The following KLHL33 variants were observed in gnomAD, a reference collection of about 807,000 sequenced individuals.
The protein encoded by KLHL33 is kelch-like protein 33.
KLHL33 carries 46 observed loss-of-function variants against 60.8 expected under a neutral mutation model. That is an observed-to-expected ratio of 0.76 (90% CI 0.60 to 0.97). The LOEUF (loss-of-function observed/expected upper bound fraction) is 0.97. Ranked by LOEUF, KLHL33 falls within the 50% of genes least tolerant of loss-of-function variation. The pLI, the probability that KLHL33 is intolerant of heterozygous loss-of-function variation, is 0.00. For synonymous variants in KLHL33, 434 were observed against 432.2 expected (o/e 1.00, Z -0.05); for missense variants, 1,055 against 1,000.0 (o/e 1.05, Z -0.74).
chr14:20,426,701 T>C lies in KLHL33; in HGVS notation c.*2148A>G, dbSNP rs1168282506. The C allele has an allele frequency of 6.6e-6, 1 of 152,116 alleles. No homozygotes were observed. Among genetic ancestry groups the C allele is most frequent in the Admixed American group, 6.5e-5 (1 of 15,272 alleles). 9.4% of individuals were successfully genotyped at this position (152,116 alleles called of 1,614,324 possible). On this transcript the variant is annotated 3_prime_UTR_variant, in exon 5 of 5. Transcript: ENST00000636854. ...TACTGGGTATATGCCCAAAGGAATA[T>C]AAATCATGCCGCTATAAAGACACAT...
rs1231838617 is a variant in KLHL33 at position 20,429,625 on chromosome 14, G to A, written c.1718C>T (p.Ser573Phe). Residue 573 changes from serine to phenylalanine, a missense_variant, in exon 4 of 5, where the codon TCC (serine) becomes TTC (phenylalanine). Ser to Phe is a radical substitution (Grantham distance 155). Coordinates refer to ENST00000636854, the MANE Select transcript of KLHL33 (RefSeq NM_001365790.2). ...QEDWEEMAPL[S>F]QARSLFSLVA... ...CAAGGAGAAAAGGCTTCGAGCCTGG[G>A]ACAAAGGAGCCATCTCCTCCCAGTC... 6.4e-7 allele frequency: 1 copy of A among 1,551,828 alleles called. No individual in the cohort carries two copies. Among genetic ancestry groups the A allele is most frequent in the Non-Finnish European group, 8.7e-7 (1 of 1,147,032 alleles).
In KLHL33 at chr14:20,430,403, C is replaced by T. The variant is rs1392417502; in HGVS notation, c.1065G>A (p.Trp355Ter). 1 of 1,551,656 alleles carries T rather than the reference C, an allele frequency of 6.4e-7. No individual in the cohort carries two copies. The highest frequency in any genetic ancestry group is 8.7e-7 in the Non-Finnish European group (1 of 1,147,020). ...TGAGGAGGTAGTGACGGGCTTTGCT[C>T]CAGAGCCTCTCCAACCCAGGGGCTT... ...MAEAPGLERL[W>*]SKARHYLLTH... Residue 355 changes from tryptophan (W) to a stop codon, truncating the protein, a stop_gained, in exon 3 of 5, where the codon TGG (tryptophan) becomes TGA (stop). Transcript: ENST00000636854. LOFTEE classifies it high-confidence loss of function.
intron 2 of KLHL33, among the ~76,000 whole-genome samples, chr14:20,431,922 A>G (rs1306744782): frequency 6.6e-6 from 1 of 152,194 alleles, no homozygotes; most frequent in Non-Finnish European, 1.5e-5. Flanking sequence ...AAACTGTCCT[A>G]TTAACCTACG....
chr14:20,435,102 C>A lies in KLHL33; in HGVS notation c.710G>T (p.Cys237Phe). 1 of 1,234,536 alleles carries A rather than the reference C, an allele frequency of 8.1e-7. No individual in the cohort carries two copies. The highest frequency in any genetic ancestry group is 1.0e-6 in the Non-Finnish European group (1 of 988,224). 76.5% of individuals were successfully genotyped at this position (1,234,536 alleles called of 1,614,324 possible). Residue 237 changes from cysteine to phenylalanine, a missense_variant, in exon 2 of 5, where the codon TGT (cysteine) becomes TTT (phenylalanine). Coordinates refer to ENST00000636854, the MANE Select transcript of KLHL33 (RefSeq NM_001365790.2). The stretch of plus-strand genomic sequence containing the variant: ...GCCGCCTGCCTCCAGCTTCAAGTCA[C>A]ACCCGACGCCCTCTCGGTAGAGGAG... ...IELLYREGVG[C>F]DLKLEAGGCQ...
At position 20,428,977 on chromosome 14, in the gene KLHL33, C is replaced by T; in HGVS notation, c.2266G>A (p.Gly756Ser). The T allele has an allele frequency of 1.9e-6, 3 of 1,551,690 alleles. No homozygotes were observed. Among genetic ancestry groups the T allele is most frequent in the Non-Finnish European group, 2.6e-6 (3 of 1,146,994 alleles). The change falls in exon 5 of 5, where the codon GGC becomes AGC. Residue 756 changes from glycine (G) to serine (S), a missense_variant. By Grantham distance (56) the Gly-to-Ser change is moderately conservative (BLOSUM62 0). Coordinates refer to ENST00000636854, the MANE Select transcript of KLHL33 (RefSeq NM_001365790.2). Reference protein sequence around the residue: ...HLIHAYCPGLGRWLCLGTLPR... With the variant: ...HLIHAYCPGLSRWLCLGTLPR... The stretch of plus-strand genomic sequence containing the variant: ...AGAGTTCCCAGGCAGAGCCATCGGC[C>T]CAGGCCAGGACAGTAGGCATGGATA...
At chr14:20,432,942 G>GAAAGAAAGAAAGAAAGA in intron 2 of KLHL33, among the ~76,000 whole-genome samples, 1 of 148,420 alleles carries the variant, frequency 6.7e-6, no homozygotes, top group South Asian at 2.2e-4. Flanking sequence ...AAGAAAGAAA[G>GAAAGAAAGAAAGAAAGA]AAAGAAAGAA....
At chr14:20,430,843 A>G (rs1444129073) in intron 2 of KLHL33, 124 bp from the exon 3 acceptor site, 2 of 597,654 alleles carry the variant, frequency 3.3e-6, no homozygotes, top group Non-Finnish European at 5.8e-6. Flanking sequence ...ACCCACTGCT[A>G]CAGACCAAAC....
At chr14:20,432,303 C>T (rs1232465341) in intron 2 of KLHL33, among the ~76,000 whole-genome samples, 3 of 151,794 alleles carry the variant, frequency 2.0e-5, no homozygotes, top group African/African-American at 4.8e-5. Context: ...TTAGTAGAGA[C>T]GGTTTCGCCA....
Position 20,435,649 on chromosome 14 carries a change from GCTC to G in KLHL33, c.160_162del (p.Glu54del). On this transcript the variant is annotated inframe_deletion, in exon 2 of 5. Coordinates refer to ENST00000636854, the MANE Select transcript of KLHL33 (RefSeq NM_001365790.2). ...CTTGGGACCAGGGGCCTGGAACCAG[GCTC>G]CTCCAGAGGAAAGGAAGGCAATCTG... 8.1e-7 allele frequency: 1 copy of G among 1,234,704 alleles called. No individual in the cohort carries two copies. Among genetic ancestry groups the G allele is most frequent in the Non-Finnish European group, 1.0e-6 (1 of 988,376 alleles). The allele number at this position is 1,234,704 out of a possible 1,614,324, so 76.5% of individuals were successfully genotyped here.
Position 20,427,324 on chromosome 14 carries a change from T to C in KLHL33, c.*1525A>G, listed in dbSNP as rs1364246076. ...AGCAGACAGGAAGGATAGAGGTGAG[T>C]CATAGAGGGCGGGAATACACAATCA... On this transcript the variant is annotated 3_prime_UTR_variant, in exon 5 of 5. Coordinates refer to ENST00000636854, the MANE Select transcript of KLHL33 (RefSeq NM_001365790.2). 6.6e-6 allele frequency: 1 copy of C among 151,632 alleles called. No individual in the cohort carries two copies. Among genetic ancestry groups the C allele is most frequent in the Non-Finnish European group, 1.5e-5 (1 of 67,940 alleles). The allele number at this position is 151,632 out of a possible 1,614,324, so 9.4% of individuals were successfully genotyped here. A position where few individuals can be genotyped will look rare whatever the true frequency, so the allele number is the denominator to read the frequency against.
intron 2 of KLHL33, among the ~76,000 whole-genome samples, chr14:20,434,526 G>C (rs1024699694): frequency 1.4e-5 from 2 of 144,422 alleles, no homozygotes; most frequent in African/African-American, 5.2e-5. Context: ...GGGCAACAGA[G>C]TGAGATGCTG....
chr14:20,430,221 T>A lies in KLHL33; in HGVS notation c.1247A>T (p.Glu416Val). Residue 416 changes from glutamate to valine, a missense_variant, in exon 3 of 5, where the codon GAG (glutamate) becomes GTG (valine). Coordinates refer to ENST00000636854, the MANE Select transcript of KLHL33 (RefSeq NM_001365790.2). Reference protein sequence around the residue: ...CWLAANPETQESEAKALLRCV... With the variant: ...CWLAANPETQVSEAKALLRCV... ...TCGCAGCAGGGCCTTGGCCTCTGAC[T>A]CCTGGGTCTCGGGGTTGGCAGCCAG... 1 of 1,551,502 alleles carries A rather than the reference T, an allele frequency of 6.4e-7. No individual in the cohort carries two copies. The highest frequency in any genetic ancestry group is 8.7e-7 in the Non-Finnish European group (1 of 1,146,982).
chr14:20,429,856 G>C lies in KLHL33; in HGVS notation c.1612C>G (p.Leu538Val). ...AAATCTTGTCCCCCACACACATAGA[G>C]TTCACTTCCTGCCAGGCTTGCAGCC... ...HGAASLAGSE[L>V]YVCGGQDFYS... Residue 538 changes from leucine (L) to valine (V), a missense_variant, in exon 3 of 5, where the codon CTC becomes GTC. Leu to Val is a conservative substitution (Grantham distance 32). Transcript: ENST00000636854. 1.3e-6 allele frequency: 2 copies of C among 1,551,818 alleles called. No homozygotes were observed. Among genetic ancestry groups the C allele is most frequent in the Non-Finnish European group, 1.7e-6 (2 of 1,146,934 alleles).
rs1338303905 is a variant in KLHL33 at position 20,435,838 on chromosome 14, T to A, written c.-19-8A>T. ...CCGAGGTTTGCTGGATAGCTGCAGG[T>A]GAGCAGAGGCAAGACAGCCTGGCGT... is the stretch of plus-strand genomic sequence containing the variant. On this transcript the variant is annotated splice_polypyrimidine_tract_variant and splice_region_variant and intron_variant, in intron 1 of 4. Transcript: ENST00000636854. 1 of 1,233,384 alleles carries A rather than the reference T, an allele frequency of 8.1e-7. No homozygotes were observed. The highest frequency in any genetic ancestry group is 1.0e-6 in the Non-Finnish European group (1 of 988,218). 76.4% of individuals were successfully genotyped at this position (1,233,384 alleles called of 1,614,324 possible). A position where few individuals can be genotyped will look rare whatever the true frequency, so the allele number is the denominator to read the frequency against.
chr14:20,430,055 A>G lies in KLHL33; in HGVS notation c.1413T>C (p.Pro471=), dbSNP rs1880446788. 6.4e-7 allele frequency: 1 copy of G among 1,551,762 alleles called. No individual in the cohort carries two copies. The highest frequency in any genetic ancestry group is 8.7e-7 in the Non-Finnish European group (1 of 1,147,008). Residue 471 remains proline, a synonymous_variant, in exon 3 of 5, where the codon CCT becomes CCC. Transcript: ENST00000636854. ...CGCCAATCACTACCAGTGCCCGGTCAGGCTCCCTCCGTCTCTCTTGGCCTG... is the reference window on the plus strand; with the variant it reads ...CGCCAATCACTACCAGTGCCCGGTCGGGCTCCCTCCGTCTCTCTTGGCCTG... The part of the protein sequence containing the change: ...DVPGQERRRE[P]DRALVVIGGD...
chr14:20,435,470 G>T lies in KLHL33; in HGVS notation c.342C>A (p.Asp114Glu), dbSNP rs1008779445. 34 of 1,234,434 alleles carry T rather than the reference G, an allele frequency of 2.8e-5. No individual in the cohort carries two copies. The highest frequency in any genetic ancestry group is 3.3e-5 in the Non-Finnish European group (33 of 988,294). The allele number at this position is 1,234,434 out of a possible 1,614,324, so 76.5% of individuals were successfully genotyped here. Residue 114 changes from aspartate to glutamate, a missense_variant, in exon 2 of 5, where the codon GAC becomes GAA. Asp to Glu is a conservative substitution (Grantham distance 45). Transcript: ENST00000636854. ...CCCGCCCCGCGACTGACACCTCTTC[G>T]TCCAGCAACAGTCTCTGCTCCCGCA... ...QRLREQRLLL[D>E]EEVSVAGRVY...
intron 2 of KLHL33, among the ~76,000 whole-genome samples, chr14:20,433,392 A>G (rs1000296203): frequency 1.3e-5 from 2 of 152,220 alleles, no homozygotes; most frequent in Non-Finnish European, 2.9e-5. Context: ...TGCCTTTCCC[A>G]AAGGGCAGGT....
chr14:20,430,531 C>G lies in KLHL33; in HGVS notation c.937G>C (p.Ala313Pro), dbSNP rs778540589. 7.1e-6 allele frequency: 11 copies of G among 1,544,954 alleles called. No individual in the cohort carries two copies. The highest frequency in any genetic ancestry group is 1.7e-4 in the Middle Eastern group (1 of 5,984). ...RWPGLLRAAQ[A>P]ALQYQSSSCL... ...GAAGAGCTCTGGTACTGCAGAGCAG[C>G]CTGGGCAGCTCTCAGTAGCCCTGGC... The change falls in exon 3 of 5, where the codon GCT becomes CCT. Residue 313 changes from alanine (A) to proline (P), a missense_variant. By Grantham distance (27) the Ala-to-Pro change is conservative. Transcript: ENST00000636854.
At position 20,430,466 on chromosome 14, in the gene KLHL33, G is replaced by A. The variant is rs2139267655; in HGVS notation, c.1002C>T (p.Leu334=). ...DLCQKGLARG[L]SPARCLALFP... is the part of the protein sequence containing the mutation. ...ACAGGGCCAGGCAACGGGCAGGGCT[G>A]AGGCCCCGTGCCAAGCCTTTCTGAC... Residue 334 remains leucine, a synonymous_variant, in exon 3 of 5, where the codon CTC becomes CTT. Coordinates refer to ENST00000636854, the MANE Select transcript of KLHL33 (RefSeq NM_001365790.2). The A allele has an allele frequency of 6.4e-7, 1 of 1,551,352 alleles. No homozygotes were observed. Among genetic ancestry groups the A allele is most frequent in the Middle Eastern group, 1.7e-4 (1 of 5,994 alleles).
Sources: gnomAD v4.1 joint callset for allele counts (sites outside exome capture counted in the v4.1 genomes callset) on GRCh38, gnomAD v4.1.1 for gene constraint, MANE v1.5 for transcripts, NCBI Gene and HGNC (gene_info 2026-07-23, HGNC 2026-07-21) for gene names.